PPP1R21: variants seen among roughly 807,000 people sequenced by gnomAD.
PPP1R21 encodes KLRAQ motif containing 1.
In PPP1R21, 85 loss-of-function variants were observed where a neutral mutation model predicts 112.8. That is an observed-to-expected ratio of 0.75 (90% CI 0.63 to 0.90). PPP1R21 has a LOEUF of 0.90. PPP1R21 is among the 40% of genes least tolerant of loss of function. The pLI is 0.00. For synonymous variants in PPP1R21, 381 were observed against 322.3 expected, an observed-to-expected ratio of 1.18 and a Z score of -1.95; for missense variants, 1,199 against 901.5, an observed-to-expected ratio of 1.33 and a Z score of -4.23.
Position 48,515,373 on chromosome 2 carries a change from A to G in PPP1R21, c.*629A>G, listed in dbSNP as rs1447002658. 1 of 152,202 alleles carries G rather than the reference A, an allele frequency of 6.6e-6. No individual in the cohort carries two copies. Among genetic ancestry groups the G allele is most frequent in the Non-Finnish European group, 1.5e-5 (1 of 68,040 alleles). The allele number at this position is 152,202 out of a possible 1,614,324, so 9.4% of individuals were successfully genotyped here. A position where few individuals can be genotyped will look rare whatever the true frequency, so the allele number is the denominator to read the frequency against. ...AAAGGAAGTTCATGTCAATAAATTC[A>G]TACTTATATCACACTTTCAGTCTCT... On this transcript the variant is annotated 3_prime_UTR_variant, in exon 22 of 22. Transcript: ENST00000294952.
intron 1 of PPP1R21, chr2:48,441,449 T>C (rs1020766878): frequency 1.7e-5 from 4 of 230,360 alleles, no homozygotes; most frequent in Non-Finnish European, 3.7e-5. Context: ...AGATTTATCT[T>C]CCCCCGAATC....
At chr2:48,469,923 A>G (rs747781298) in intron 9 of PPP1R21, among the ~76,000 whole-genome samples, 1 of 152,218 alleles carries the variant, frequency 6.6e-6, no homozygotes, top group Admixed American at 6.5e-5. Flanking sequence ...AGAGTGCATT[A>G]TATTATACAG....
chr2:48,499,133 G>A (rs184411883), intron 17 of PPP1R21, among the ~76,000 whole-genome samples: 3 of 128,208 alleles, frequency 2.3e-5, no homozygotes, highest in Non-Finnish European at 5.7e-5. Flanking sequence ...TATTGGGGGT[G>A]GGGGGGGACA....
chr2:48,480,137 T>C, intron 13 of PPP1R21, 121 bp downstream of exon 13: 1 of 717,598 alleles, frequency 1.4e-6, no homozygotes, highest in Non-Finnish European at 2.5e-6. Flanking sequence ...TTATTAGCAT[T>C]TGGCTTATGT....
intron 3 of PPP1R21, 53 bp from the exon 4 acceptor site, chr2:48,458,073 A>T (rs761612527): frequency 4.4e-6 from 5 of 1,134,792 alleles, no homozygotes; most frequent in Non-Finnish European, 6.7e-6. Context: ...GTACCTTAGG[A>T]TGTTTCTCTA....
chr2:48,461,414 C>A (rs947937079), intron 7 of PPP1R21, among the ~76,000 whole-genome samples, 182 bp downstream of exon 7: 2 of 152,054 alleles, frequency 1.3e-5, no homozygotes, highest in Non-Finnish European at 2.9e-5. Context: ...TTTAAATTGT[C>A]ATATAACTAC....
chr2:48,451,386 A>G (rs1315762447), intron 2 of PPP1R21, among the ~76,000 whole-genome samples: 2 of 152,258 alleles, frequency 1.3e-5, no homozygotes, highest in African/African-American at 2.4e-5. Context: ...ATCAGTTGTC[A>G]TCACAGACAG....
chr2:48,471,841 T>C (rs1490647348), intron 11 of PPP1R21, among the ~76,000 whole-genome samples: 1 of 152,192 alleles, frequency 6.6e-6, no homozygotes, highest in Non-Finnish European at 1.5e-5. Context: ...ATACGTATTA[T>C]TAGAAATTTG....
At chr2:48,454,828 C>T (rs756367400) in intron 3 of PPP1R21, 87 bp downstream of exon 3, 111 of 996,170 alleles carry the variant, frequency 1.1e-4, no homozygotes, top group Middle Eastern at 2.1e-4. Flanking sequence ...GAAGACCCCA[C>T]TGCCGAATTA....
At chr2:48,449,733 A>C (rs1667395328) in intron 1 of PPP1R21, among the ~76,000 whole-genome samples, 1 of 151,940 alleles carries the variant, frequency 6.6e-6, no homozygotes, top group Non-Finnish European at 1.5e-5. Flanking sequence ...AGATTTTTAA[A>C]AATTTTTTAT....
intron 1 of PPP1R21, among the ~76,000 whole-genome samples, chr2:48,447,370 A>T (rs988443529): frequency 6.6e-6 from 1 of 152,184 alleles, no homozygotes; most frequent in African/African-American, 2.4e-5. Flanking sequence ...ATTTAAAAGG[A>T]TTAAGAGGGA....
chr2:48,500,941 T>C (rs1670084330), intron 17 of PPP1R21, among the ~76,000 whole-genome samples: 1 of 151,806 alleles, frequency 6.6e-6, no homozygotes, highest in South Asian at 2.1e-4. Flanking sequence ...ACAAAAAGAA[T>C]ACCTTCCTAG....
intron 21 of PPP1R21, among the ~76,000 whole-genome samples, chr2:48,514,073 CTTTTTTTTTTT>C (rs1225415838): frequency 3.3e-5 from 3 of 89,902 alleles, no homozygotes; most frequent in Non-Finnish European, 6.5e-5. Context: ...GAGACATGTT[CTTTTTTTTTTT>C]TTTTTTTTTT....
chr2:48,455,910 G>A (rs752726765), intron 3 of PPP1R21, among the ~76,000 whole-genome samples: 10 of 151,732 alleles, frequency 6.6e-5, no homozygotes, highest in Non-Finnish European at 8.8e-5. Flanking sequence ...GCTGCTCGGG[G>A]GAGCTGAGGC....
At chr2:48,461,334 T>G in intron 7 of PPP1R21, 102 bp downstream of exon 7, 1 of 1,357,934 alleles carries the variant, frequency 7.4e-7, no homozygotes, top group Non-Finnish European at 9.5e-7. Context: ...AAAATTTAAT[T>G]GGCCCCACAG....
At chr2:48,507,031 G>A (rs1418972481) in intron 18 of PPP1R21, among the ~76,000 whole-genome samples, 3 of 151,388 alleles carry the variant, frequency 2.0e-5, no homozygotes, top group East Asian at 1.9e-4. Flanking sequence ...CATTACTTCA[G>A]TTCTGTTTTC....
intron 11 of PPP1R21, among the ~76,000 whole-genome samples, chr2:48,472,127 C>A (rs1289249488): frequency 6.7e-6 from 1 of 148,954 alleles, no homozygotes; most frequent in Non-Finnish European, 1.5e-5. Flanking sequence ...ATAGTCCCAG[C>A]TACTTGGGAG....
chr2:48,474,634 T>C (rs1368217225), intron 11 of PPP1R21, 49 bp from the exon 12 acceptor site: 1 of 1,546,794 alleles, frequency 6.5e-7, no homozygotes, highest in East Asian at 2.3e-5. Context: ...TAGTAGCTAA[T>C]TGAAAATCGT....
chr2:48,502,972 G>A (rs1350963334), intron 17 of PPP1R21, among the ~76,000 whole-genome samples: 22 of 151,960 alleles, frequency 1.4e-4, no homozygotes, highest in Non-Finnish European at 7.4e-5. Context: ...GAGCTGCCGC[G>A]CCCAGCCTAG....
Sources: gnomAD v4.1 joint callset for allele counts (sites outside exome capture counted in the v4.1 genomes callset) on GRCh38, gnomAD v4.1.1 for gene constraint, MANE v1.5 for transcripts, NCBI Gene and HGNC (gene_info 2026-07-23, HGNC 2026-07-21) for gene names.